EXOSC10: variants seen among roughly 807,000 people sequenced by gnomAD.
The protein encoded by EXOSC10 is exosome component 10.
A neutral mutation model predicts 126.6 loss-of-function variants in EXOSC10; 94 were observed. That is an observed-to-expected ratio of 0.74 (90% CI 0.63 to 0.88). The LOEUF (loss-of-function observed/expected upper bound fraction) is 0.88, where lower values mean the gene tolerates loss of function less well. Among genes scored for constraint, EXOSC10 ranks in the 40% least tolerant of loss-of-function variants. The pLI is 0.00. For missense variants in EXOSC10, 1,041 were observed against 1,100.5 expected (o/e 0.95, Z 0.77); for synonymous variants, 395 against 400.8 (o/e 0.99, Z 0.17).
intron 3 of EXOSC10, among the ~76,000 whole-genome samples, chr1:11,095,162 A>G (rs1042190936): frequency 2.7e-4 from 41 of 150,086 alleles, no homozygotes; most frequent in Admixed American, 1.2e-3. Context: ...CAGTGAACCA[A>G]CATCGCCCCA....
intron 3 of EXOSC10, among the ~76,000 whole-genome samples, chr1:11,093,182 C>T (rs138316715): frequency 1.9e-3 from 286 of 152,236 alleles, no homozygotes; most frequent in African/African-American, 6.4e-3. Context: ...AGTAATTACC[C>T]ATGCCCAATA....
intron 23 of EXOSC10, 28 bp from the exon 24 acceptor site, chr1:11,068,112 G>A (rs1639219408): frequency 6.3e-7 from 1 of 1,599,520 alleles, no homozygotes; most frequent in African/African-American, 1.3e-5. Context: ...CGTTTAAGCT[G>A]GGTGGGCACC....
chr1:11,092,088 G>A (rs187838372), intron 3 of EXOSC10, among the ~76,000 whole-genome samples: 1 of 152,300 alleles, frequency 6.6e-6, no homozygotes, highest in East Asian at 1.9e-4. Flanking sequence ...AAAACATCAA[G>A]TTGTATGTAA....
intron 1 of EXOSC10, 142 bp downstream of exon 1, chr1:11,099,579 G>C: frequency 1.1e-6 from 1 of 871,544 alleles, no homozygotes; most frequent in African/African-American, 1.8e-5. Context: ...GTGCAGGAGA[G>C]TCTGCGCCCA....
At position 11,082,676 on chromosome 1, in the gene EXOSC10, G is replaced by T. The variant is rs764703638; in HGVS notation, c.1280+12C>A. 6.2e-7 allele frequency: 1 copy of T among 1,613,860 alleles called. No homozygotes were observed. The highest frequency in any genetic ancestry group is 1.3e-5 in the African/African-American group (1 of 75,058). ...TCTGCCACCCACATTTCCTCAGTAA[G>T]AGCAAACTGACCGTATTCTCCAATC... On this transcript the variant is annotated intron_variant, in intron 10 of 24. Transcript: ENST00000376936.
Position 11,080,815 on chromosome 1 carries a change from A to G in EXOSC10, c.1535T>C (p.Leu512Pro). ...TGTTTTATCCCTCCAGGCAAACAGC[A>G]GCTGAAAGGCTGTCAACTGCTGTGT... ...LNTQQLTAFQ[L>P]LFAWRDKTAR... The change falls in exon 12 of 25, where the codon CTG (leucine) becomes CCG (proline). Residue 512 changes from leucine to proline, a missense_variant. Leu to Pro is a moderately conservative substitution (Grantham distance 98). Around this residue, in one of 3 missense-constraint regions of EXOSC10, gnomAD observed 645 missense variants for 656.3 expected, o/e 0.98. Transcript: ENST00000376936. 1 of 1,614,200 alleles carries G rather than the reference A, an allele frequency of 6.2e-7. No individual in the cohort carries two copies. Among genetic ancestry groups the G allele is most frequent in the Non-Finnish European group, 8.5e-7 (1 of 1,180,024 alleles).
At chr1:11,072,208 A>G (rs1317845710) in intron 19 of EXOSC10, 37 bp from the exon 20 acceptor site, 1 of 1,512,452 alleles carries the variant, frequency 6.6e-7, no homozygotes, top group Non-Finnish European at 9.1e-7. Flanking sequence ...AAAACCCTCC[A>G]AAGTCAGCCA....
rs138641610 is a variant in EXOSC10, at chr1:11,074,283, G to A, written c.2030C>T (p.Ala677Val). Residue 677 changes from alanine (A) to valine (V), a missense_variant, in exon 18 of 25, where the codon GCA becomes GTA. Transcript: ENST00000376936. ...CATGATGTTCTGGGCTTTTTTCTGT[G>A]CAACTGTCAATGGACCCTTTTTACT... ...EDSKKGPLTV[A>V]QKKAQNIMES... 3.1e-6 allele frequency: 5 copies of A among 1,613,986 alleles called. No homozygotes were observed. In the African/African-American group the frequency reaches 6.7e-5, roughly 22 times the overall value.
Position 11,067,959 on chromosome 1 carries a change from G to C in EXOSC10, c.2627+49C>G, listed in dbSNP as rs754381526. ...CCCACGGACCACACCACGCAGGGCA[G>C]GTGCTTTCTCACTGGGCTCCCTGGG... On this transcript the variant is annotated intron_variant, in intron 24 of 24. Coordinates refer to ENST00000376936, the MANE Select transcript of EXOSC10 (RefSeq NM_001001998.3). 1.9e-6 allele frequency: 3 copies of C among 1,551,528 alleles called. No individual in the cohort carries two copies. In the African/African-American group the frequency reaches 4.1e-5, roughly 21 times the overall value.
rs2100247408 is a variant in EXOSC10, at chr1:11,098,064, G to A, written c.204C>T (p.Gly68=). 1.9e-6 allele frequency: 3 copies of A among 1,611,854 alleles called. No homozygotes were observed. The highest frequency in any genetic ancestry group is 1.7e-6 in the Non-Finnish European group (2 of 1,179,292). Residue 68 remains glycine, a synonymous_variant, in exon 2 of 25, where the codon GGC becomes GGT. Transcript: ENST00000376936. ...DEYDFYRSFP[G]FQAFCETQGD... is the part of the protein sequence containing the mutation. ...CCTGTGTTTCGCAAAATGCTTGGAAGCCAGGAAAACTTCGGTAAAAATCAT... is the reference window on the plus strand; with the variant it reads ...CCTGTGTTTCGCAAAATGCTTGGAAACCAGGAAAACTTCGGTAAAAATCAT...
chr1:11,086,328 T>C (rs1640490146), intron 9 of EXOSC10, among the ~76,000 whole-genome samples: 1 of 152,214 alleles, frequency 6.6e-6, no homozygotes, highest in East Asian at 1.9e-4. Flanking sequence ...AGAGATTCAA[T>C]TTCTTTCTGG....
In EXOSC10 at chr1:11,081,245, T is replaced by C. The variant is rs779943916; in HGVS notation, c.1281-7A>G. 20 of 1,613,894 alleles carry C rather than the reference T, an allele frequency of 1.2e-5. No homozygotes were observed. The East Asian group carries it at 3.3e-4, about 27-fold the overall frequency. On this transcript the variant is annotated splice_polypyrimidine_tract_variant and splice_region_variant and intron_variant, in intron 10 of 24. Coordinates refer to ENST00000376936, the MANE Select transcript of EXOSC10 (RefSeq NM_001001998.3). Reference sequence around the variant, plus strand: ...CATCTCCTCGGGCAGAGGGCTGGAATTGCAGAGGACAATGTTTTACTGATT... The same window carrying C: ...CATCTCCTCGGGCAGAGGGCTGGAACTGCAGAGGACAATGTTTTACTGATT...
rs745871241 is a variant in EXOSC10, at chr1:11,098,085, A to T, written c.183T>A (p.Asp61Glu). The change falls in exon 2 of 25, where the codon GAT (aspartate) becomes GAA (glutamate). Residue 61 changes from aspartate (D) to glutamate (E), a missense_variant. Around this residue, in one of 3 missense-constraint regions of EXOSC10, gnomAD observed 645 missense variants for 656.3 expected, o/e 0.98. Coordinates refer to ENST00000376936, the MANE Select transcript of EXOSC10 (RefSeq NM_001001998.3). ...GGLPQFGDEY[D>E]FYRSFPGFQA... Reference sequence around the variant, plus strand: ...GGAAGCCAGGAAAACTTCGGTAAAAATCATACTCATCGCCAAACTGTGGTA... The same window carrying T: ...GGAAGCCAGGAAAACTTCGGTAAAATTCATACTCATCGCCAAACTGTGGTA... 8 of 1,612,332 alleles carry T rather than the reference A, an allele frequency of 5.0e-6. No homozygotes were observed. The highest frequency in any genetic ancestry group is 6.8e-6 in the Non-Finnish European group (8 of 1,179,478).
intron 5 of EXOSC10, 133 bp downstream of exon 5, chr1:11,090,880 TA>T: frequency 9.6e-7 from 1 of 1,041,494 alleles, no homozygotes; most frequent in African/African-American, 1.6e-5. Context: ...GCCTCTGGAA[TA>T]GCTGAACTGG....
At chr1:11,068,998 G>C (rs187670874) in intron 22 of EXOSC10, 1 of 450,780 alleles carries the variant, frequency 2.2e-6, no homozygotes, top group African/African-American at 2.0e-5. Flanking sequence ...TCTGATCTCT[G>C]TGCTGGGTGA....
intron 20 of EXOSC10, chr1:11,071,870 C>T (rs1639518373): frequency 5.7e-6 from 2 of 350,726 alleles, no homozygotes; most frequent in Admixed American, 8.3e-5. Context: ...CAACCACCAA[C>T]GAGACAGCTA....
In EXOSC10 at chr1:11,087,453, C is replaced by G; in HGVS notation, c.1084G>C (p.Val362Leu). 6.2e-7 allele frequency: 1 copy of G among 1,614,046 alleles called. No homozygotes were observed. Among genetic ancestry groups the G allele is most frequent in the Non-Finnish European group, 8.5e-7 (1 of 1,179,992 alleles). The change falls in exon 9 of 25, where the codon GTT becomes CTT. Residue 362 changes from valine (V) to leucine (L), a missense_variant. By Grantham distance (32) the Val-to-Leu change is conservative. This residue lies in a region of EXOSC10 where 645 missense variants were observed against 656.3 expected (regional missense o/e 0.98). Coordinates refer to ENST00000376936, the MANE Select transcript of EXOSC10 (RefSeq NM_001001998.3). ...GTTACAAAAGGCTGGCTGACCTTAACGATGGCTGGGTCTGTGAGGCTCTCA... is the reference window on the plus strand; with the variant it reads ...GTTACAAAAGGCTGGCTGACCTTAAGGATGGCTGGGTCTGTGAGGCTCTCA... Reference protein sequence around the residue: ...LNESLTDPAIVKVFHGADSDI... With the variant: ...LNESLTDPAILKVFHGADSDI...
chr1:11,071,330 T>C, intron 20 of EXOSC10: 1 of 277,228 alleles, frequency 3.6e-6, no homozygotes, highest in Non-Finnish European at 6.8e-6. Context: ...AACTCCAGCT[T>C]TCCAGCTGCT....
At position 11,087,854 on chromosome 1, in the gene EXOSC10, G is replaced by A. The variant is rs780071646; in HGVS notation, c.891C>T (p.Leu297=). 4.3e-6 allele frequency: 7 copies of A among 1,613,868 alleles called. No homozygotes were observed. Among genetic ancestry groups the A allele is most frequent in the Admixed American group, 1.7e-5 (1 of 59,974 alleles). ...PCHFISSLDE[L]VELNEKLLNC... The stretch of plus-strand genomic sequence containing the variant: ...TCAAGAGCTTTTCGTTGAGTTCCAC[G>A]AGTTCATCCAGGGAGGATATGAAAT... Residue 297 remains leucine, a synonymous_variant, in exon 8 of 25, where the codon CTC becomes CTT. Coordinates refer to ENST00000376936, the MANE Select transcript of EXOSC10 (RefSeq NM_001001998.3).
Sources: allele counts gnomAD v4.1 joint callset (sites outside exome capture counted in the v4.1 genomes callset), GRCh38; gene constraint gnomAD v4.1.1; regional missense constraint gnomAD v4.1.1; transcripts MANE v1.5; gene names NCBI Gene and HGNC (gene_info 2026-07-23, HGNC 2026-07-21).